The following PRMT8 variants were observed in gnomAD, a reference collection of about 807,000 sequenced individuals.
PRMT8 encodes the protein protein arginine methyltransferase 8.
In PRMT8, 7 loss-of-function variants were observed where a neutral mutation model predicts 47.1. The ratio of observed to expected loss-of-function variants is 0.15; its 90% CI spans 0.08 to 0.28. The LOEUF (loss-of-function observed/expected upper bound fraction) is 0.28, where lower values mean the gene tolerates loss of function less well. Ranked by LOEUF, PRMT8 falls within the 10% of genes least tolerant of loss-of-function variation. The pLI is 1.00. For synonymous variants in PRMT8, 188 were observed against 186.5 expected (o/e 1.01, Z -0.07); for missense variants, 237 against 505.4 (o/e 0.47, Z 5.09).
chr12:3,540,633 C>T lies in PRMT8; in HGVS notation c.103C>T (p.Gln35Ter). The change falls in exon 2 of 10, where the codon CAG becomes TAG. Residue 35 changes from glutamine (Q) to a stop codon, truncating the protein, a stop_gained. Transcript: ENST00000382622. LOFTEE classifies it high-confidence loss of function. Reference protein sequence around the residue: ...EVNSPPSQPPQPVVPAKPVQC... With the variant: ...EVNSPPSQPP ...GAACAGCCCCCCCTCCCAGCCCCCC[C>T]AGCCCGTCGTCCCTGCTAAGCCCGT... 6.4e-7 allele frequency: 1 copy of T among 1,553,208 alleles called. No homozygotes were observed. The highest frequency in any genetic ancestry group is 8.9e-7 in the Non-Finnish European group (1 of 1,127,238).
chr12:3,411,044 C>T (rs981061845), intron 1 of PRMT8, among the ~76,000 whole-genome samples: 5 of 152,200 alleles, frequency 3.3e-5, no homozygotes, highest in African/African-American at 7.2e-5. Context: ...AGCCAGGAAT[C>T]GGCATGCTTT....
intron 2 of PRMT8, among the ~76,000 whole-genome samples, chr12:3,542,129 A>G (rs1360968821): frequency 6.6e-6 from 1 of 152,218 alleles, no homozygotes; most frequent in African/African-American, 2.4e-5. Context: ...ACATGGAGGT[A>G]GAGGGTGGAA....
chr12:3,538,865 A>T lies in PRMT8; in HGVS notation c.76-1741A>T, dbSNP rs1325646711. Among the ~76,000 whole-genome samples, 1 of 152,126 alleles carries T rather than the reference A, an allele frequency of 6.6e-6. No homozygotes were observed. Among genetic ancestry groups the T allele is most frequent in the African/African-American group, 2.4e-5 (1 of 41,424 alleles). ...TGCCAGCCCGCCCGGGATCTCACCG[A>T]CGTGAAATCTGATGTTGCTAAACTG... On this transcript the variant is annotated intron_variant, in intron 1 of 9. Transcript: ENST00000382622. The surrounding 1 kb of genome is among the most constrained non-coding windows in gnomAD (Gnocchi z 4.6).
In PRMT8 at chr12:3,493,006, ACT is replaced by A. The variant is rs1865447004; in HGVS notation, c.75+1309_75+1310del. Among the ~76,000 whole-genome samples the A allele has an allele frequency of 6.6e-6, 1 of 151,626 alleles. No homozygotes were observed. Among genetic ancestry groups the A allele is most frequent in the African/African-American group, 2.4e-5 (1 of 41,218 alleles). ...CTGGTCTTCTTCCCTCGAGTTCTTA[ACT>A]CTGCGCTAAAACCCCTACCCCACGG... On this transcript the variant is annotated intron_variant, in intron 1 of 9. Coordinates refer to ENST00000382622, the MANE Select transcript of PRMT8 (RefSeq NM_019854.5). This position sits in a 1 kb window ranked among gnomAD's most constrained non-coding sequence, Gnocchi z 8.2.
intron 1 of PRMT8, among the ~76,000 whole-genome samples, chr12:3,485,338 T>C (rs1476183599): frequency 6.6e-6 from 1 of 152,288 alleles, no homozygotes; most frequent in Non-Finnish European, 1.5e-5. Flanking sequence ...CAGGGCGATG[T>C]TGGGTAGGAA....
chr12:3,587,964 C>A (rs372765173), intron 8 of PRMT8, among the ~76,000 whole-genome samples: 1 of 152,158 alleles, frequency 6.6e-6, no homozygotes, highest in South Asian at 2.1e-4. Flanking sequence ...CGGTGCCCCC[C>A]CCACCACAAC....
chr12:3,575,606 G>C (rs948659558), intron 6 of PRMT8, among the ~76,000 whole-genome samples: 1 of 152,200 alleles, frequency 6.6e-6, no homozygotes, highest in African/African-American at 2.4e-5. Context: ...TATTATATGA[G>C]AGCCAGATGC....
chr12:3,582,396 A>C (rs1395012234), intron 7 of PRMT8, among the ~76,000 whole-genome samples: 1 of 152,184 alleles, frequency 6.6e-6, no homozygotes, highest in Non-Finnish European at 1.5e-5. Flanking sequence ...TTATTTTTGA[A>C]AACAGTCCAG....
rs567076123 is a variant in PRMT8, at chr12:3,484,624, C to A, written c.49-55982C>A. Among the ~76,000 whole-genome samples, 4 of 152,352 alleles carry A rather than the reference C, an allele frequency of 2.6e-5. No homozygotes were observed. In the South Asian group the frequency reaches 6.2e-4, roughly 24 times the overall value. ...CAACCCCTTAGCCAGGCAGTGATCA[C>A]CATTAAGCTGTTTGTACACAGATGG... is the stretch of plus-strand genomic sequence containing the variant. On this transcript the variant is annotated intron_variant, in intron 1 of 9. Coordinates refer to the PRMT8 transcript ENST00000452611.
chr12:3,491,024 T>C (rs559210560), upstream of PRMT8, among the ~76,000 whole-genome samples: 5 of 152,104 alleles, frequency 3.3e-5, no homozygotes, highest in East Asian at 9.8e-4. Flanking sequence ...TCCACGTAAG[T>C]TGTGTGCAGC....
intron 1 of PRMT8, among the ~76,000 whole-genome samples, chr12:3,432,575 G>A (rs1273979900): frequency 6.6e-6 from 1 of 152,038 alleles, no homozygotes; most frequent in Non-Finnish European, 1.5e-5. Context: ...AAGGGCTGGA[G>A]GGAGGAGACA....
intron 1 of PRMT8, among the ~76,000 whole-genome samples, chr12:3,403,962 A>G (rs999849696): frequency 1.8e-4 from 27 of 151,844 alleles, no homozygotes; most frequent in Non-Finnish European, 8.8e-5. Flanking sequence ...ATGAAAACAT[A>G]TTTGTAATTT....
chr12:3,534,014 T>A (rs193046479), intron 1 of PRMT8, among the ~76,000 whole-genome samples: 185 of 152,308 alleles, frequency 1.2e-3, no homozygotes, highest in Non-Finnish European at 2.0e-3. Context: ...AGGGCGACAC[T>A]GGGCAGAGGG....
At chr12:3,556,387 G>A (rs533548042) in intron 4 of PRMT8, among the ~76,000 whole-genome samples, 13 of 152,232 alleles carry the variant, frequency 8.5e-5, no homozygotes, top group Middle Eastern at 6.8e-3. Context: ...CGGTTGAAGG[G>A]CATTCAGGAG....
At position 3,445,874 on chromosome 12, in the gene PRMT8, A is replaced by G. The variant is rs12424598; in HGVS notation, c.48+64432A>G. On this transcript the variant is annotated intron_variant, in intron 1 of 9. Transcript: ENST00000452611. ...CACCAAGGCGATATTTACTGCGGTC[A>G]GCTGTGAGACCATCAGACTACTTAG... Among the ~76,000 whole-genome samples, 1,170 of 152,328 alleles carry G rather than the reference A, an allele frequency of 7.7e-3. 51 individuals are homozygous for G. Among genetic ancestry groups the G allele is most frequent in the Admixed American group, 0.07 (1,078 of 15,304 alleles).
intron 1 of PRMT8, among the ~76,000 whole-genome samples, chr12:3,433,675 G>A (rs1730275099): frequency 2.6e-5 from 4 of 152,060 alleles, no homozygotes; most frequent in Non-Finnish European, 5.9e-5. Flanking sequence ...GCAGTGGCGC[G>A]ATCTCGGCTC....
At chr12:3,588,957 C>T (rs564451551) in intron 8 of PRMT8, among the ~76,000 whole-genome samples, 12 of 152,302 alleles carry the variant, frequency 7.9e-5, no homozygotes, top group South Asian at 2.1e-4. Context: ...CTTTCCTGAG[C>T]GCCCACCCTT....
In PRMT8 at chr12:3,394,735, T is replaced by C. The variant is rs1427301720; in HGVS notation, c.48+13293T>C. On this transcript the variant is annotated intron_variant, in intron 1 of 9. Transcript: ENST00000452611. ...ATGATGCTGGCCTCATAAAATGAGT[T>C]AGGGAGGATTCCCTCTTTTCCTATT... Among the ~76,000 whole-genome samples the C allele has an allele frequency of 2.0e-5, 3 of 152,086 alleles. No homozygotes were observed. The East Asian group carries it at 5.8e-4, about 29-fold the overall frequency.
intron 1 of PRMT8, among the ~76,000 whole-genome samples, chr12:3,510,646 T>C (rs1348372902): frequency 6.6e-6 from 1 of 152,148 alleles, no homozygotes; most frequent in Non-Finnish European, 1.5e-5. Context: ...CTGCCAGTAC[T>C]GCAGGGCCTG....
Sources: gnomAD v4.1 joint callset for allele counts (sites outside exome capture counted in the v4.1 genomes callset) on GRCh38, gnomAD v4.1.1 for gene constraint, Gnocchi (gnomAD v3.1) non-coding constraint, MANE v1.5 for transcripts, NCBI Gene and HGNC (gene_info 2026-07-23, HGNC 2026-07-21) for gene names.